Variants in TTC17 observed in about 807,000 individuals in gnomAD.
The protein encoded by TTC17 is tetratricopeptide repeat domain 17.
A neutral mutation model predicts 143.8 loss-of-function variants in TTC17; 58 were observed. That is an observed-to-expected ratio of 0.40 (90% CI 0.33 to 0.50). The LOEUF is 0.50. Among genes scored for constraint, TTC17 ranks in the 20% least tolerant of loss-of-function variants. The pLI, the probability that TTC17 is intolerant of heterozygous loss-of-function variation, is 0.49. For synonymous variants in TTC17, 501 were observed against 497.8 expected, an observed-to-expected ratio of 1.01 and a Z score of -0.09; for missense variants, 1,273 against 1,392.5, an observed-to-expected ratio of 0.91 and a Z score of 1.37.
chr11:43,359,133 T>C lies in TTC17; in HGVS notation c.159+20T>C. Reference sequence around the variant, plus strand: ...CAGCAGGTAGCGGCCGGGGCGTCCCTCTTCTCCCGTGCCCGCCCTCGCCCC... The same window carrying C: ...CAGCAGGTAGCGGCCGGGGCGTCCCCCTTCTCCCGTGCCCGCCCTCGCCCC... On this transcript the variant is annotated intron_variant, in intron 1 of 23. Coordinates refer to ENST00000039989, the MANE Select transcript of TTC17 (RefSeq NM_018259.6). 1 of 1,564,400 alleles carries C rather than the reference T, an allele frequency of 6.4e-7. No homozygotes were observed. The highest frequency in any genetic ancestry group is 8.6e-7 in the Non-Finnish European group (1 of 1,157,734).
chr11:43,472,465 A>T (rs902912587), intron 21 of TTC17, among the ~76,000 whole-genome samples: 1 of 152,256 alleles, frequency 6.6e-6, no homozygotes, highest in African/African-American at 2.4e-5. Context: ...CAGACATTTC[A>T]TAATGATAAA....
At chr11:43,404,822 A>AT (rs1188077967) in intron 11 of TTC17, among the ~76,000 whole-genome samples, 11 of 152,138 alleles carry the variant, frequency 7.2e-5, no homozygotes, top group African/African-American at 2.4e-4. Flanking sequence ...CATCTTATTT[A>AT]TTTTTAGAGA....
chr11:43,389,658 T>C lies in TTC17; in HGVS notation c.256T>C (p.Leu86=), dbSNP rs955272339. The C allele has an allele frequency of 3.1e-6, 5 of 1,606,608 alleles. No individual in the cohort carries two copies. Among genetic ancestry groups the C allele is most frequent in the Admixed American group, 3.4e-5 (2 of 58,280 alleles). The stretch of plus-strand genomic sequence containing the variant: ...CTTACTTTCTTCTCAACAGAAACAA[T>C]TAGTTGCTCAAAAAATTCACATAGA... ...VNYLKELEKQ[L]VAQKIHIEEN... The change falls in exon 3 of 24, where the codon TTA becomes CTA. Residue 86 remains leucine, a synonymous_variant. Transcript: ENST00000039989.
intron 1 of TTC17, among the ~76,000 whole-genome samples, chr11:43,369,843 C>A (rs1856494497): frequency 6.6e-6 from 1 of 152,126 alleles, no homozygotes; most frequent in African/African-American, 2.4e-5. Flanking sequence ...TCTCGAACTC[C>A]TGACCTCAGG....
chr11:43,401,401 T>C, intron 9 of TTC17, 45 bp from the exon 10 acceptor site: 1 of 1,362,482 alleles, frequency 7.3e-7, no homozygotes, highest in East Asian at 2.3e-5. Context: ...ACATTGGCAT[T>C]GTTGACCTTG....
At chr11:43,435,200 G>A (rs1004427661) in intron 16 of TTC17, 2 of 152,048 alleles carry the variant, frequency 1.3e-5, no homozygotes, top group African/African-American at 2.4e-5. Flanking sequence ...TCTGGTAAAG[G>A]AGAACAGCTA....
intron 2 of TTC17, among the ~76,000 whole-genome samples, chr11:43,382,084 T>G (rs987095339): frequency 2.0e-5 from 3 of 152,142 alleles, no homozygotes; most frequent in African/African-American, 7.2e-5. Context: ...ATAAAACAGT[T>G]TATCTACCAA....
chr11:43,444,453 G>A (rs1226245890), intron 18 of TTC17: 5 of 298,462 alleles, frequency 1.7e-5, no homozygotes, highest in African/African-American at 8.7e-5. Context: ...GAAAAATTAG[G>A]TGAATATTTA....
chr11:43,367,789 G>A (rs1000675832), intron 1 of TTC17, among the ~76,000 whole-genome samples: 2 of 151,804 alleles, frequency 1.3e-5, no homozygotes, highest in South Asian at 2.1e-4. Context: ...ATCTGTGCTC[G>A]TGGAGTCTCC....
rs1411197644 is a variant in TTC17 at position 43,391,504 on chromosome 11, A to G, written c.459A>G (p.Pro153=). 2 of 1,608,788 alleles carry G rather than the reference A, an allele frequency of 1.2e-6. No individual in the cohort carries two copies. Among genetic ancestry groups the G allele is most frequent in the Non-Finnish European group, 1.7e-6 (2 of 1,178,410 alleles). The change falls in exon 4 of 24, where the codon CCA becomes CCG. Residue 153 remains proline (P), a synonymous_variant. Transcript: ENST00000039989. ...TAGACACAGAATCTCCTGTCCCTCC[A>G]GACCCAGAGCAACCTGATTGTACTA... is the stretch of plus-strand genomic sequence containing the variant. ...DYIDTESPVP[P]DPEQPDCTKI...
chr11:43,441,590 C>G (rs770852028), intron 16 of TTC17, among the ~76,000 whole-genome samples: 8 of 151,952 alleles, frequency 5.3e-5, no homozygotes, highest in Admixed American at 2.0e-4. Flanking sequence ...TTATTTTTTG[C>G]TAACTCAGAG....
In TTC17 at chr11:43,421,619, G is replaced by A. The variant is rs374020705; in HGVS notation, c.2251+6843G>A. The stretch of plus-strand genomic sequence containing the variant: ...AACCTATTGTAAACTATGCATGCAC[G>A]GGATCTAGGTTACACGATCCTTATG... On this transcript the variant is annotated intron_variant, in intron 16 of 23. Coordinates refer to ENST00000039989, the MANE Select transcript of TTC17 (RefSeq NM_018259.6). 2.0e-4 allele frequency among the ~76,000 whole-genome samples: 30 copies of A among 152,190 alleles called. 1 individual carries two copies. The South Asian group carries it at 5.4e-3, about 27-fold the overall frequency.
chr11:43,362,138 A>C (rs1856133164), intron 1 of TTC17, among the ~76,000 whole-genome samples: 1 of 147,198 alleles, frequency 6.8e-6, no homozygotes, highest in Admixed American at 6.8e-5. Context: ...GCACTACCAC[A>C]CCCGGCTAAT....
chr11:43,371,834 G>A (rs544728631), intron 1 of TTC17, among the ~76,000 whole-genome samples: 277 of 152,326 alleles, frequency 1.8e-3, no homozygotes, highest in Non-Finnish European at 3.4e-3. Context: ...GCCAAGAAAA[G>A]GTGGGTGGGG....
intron 16 of TTC17, among the ~76,000 whole-genome samples, chr11:43,420,995 T>A (rs1368341572): frequency 6.6e-6 from 1 of 152,202 alleles, no homozygotes; most frequent in Non-Finnish European, 1.5e-5. Context: ...ATTCATTCAT[T>A]CAATGAACAC....
At chr11:43,448,288 T>A (rs1947589412) in intron 19 of TTC17, among the ~76,000 whole-genome samples, 166 bp downstream of exon 19, 1 of 152,170 alleles carries the variant, frequency 6.6e-6, no homozygotes. Flanking sequence ...CCCAACCCAT[T>A]GTAGCAAAGC....
At chr11:43,439,164 A>G (rs1241635659) in intron 16 of TTC17, among the ~76,000 whole-genome samples, 1 of 151,972 alleles carries the variant, frequency 6.6e-6, no homozygotes, top group African/African-American at 2.4e-5. Flanking sequence ...TAGTCTCTTC[A>G]TTGTCTTTGA....
chr11:43,397,426 G>T lies in TTC17; in HGVS notation c.853G>T (p.Val285Phe). The change falls in exon 7 of 24, where the codon GTC becomes TTC. Residue 285 changes from valine to phenylalanine, a missense_variant. Val to Phe is a conservative substitution (Grantham distance 50). Coordinates refer to ENST00000039989, the MANE Select transcript of TTC17 (RefSeq NM_018259.6). ...AHFSADAAVV[V>F]HAALDDSDFF... is the part of the protein sequence containing the mutation. The stretch of plus-strand genomic sequence containing the variant: ...CTTCTCTGCTGATGCTGCTGTCGTG[G>T]TCCATGCAGCTCTGGATGACAGTGA... 1 of 1,613,486 alleles carries T rather than the reference G, an allele frequency of 6.2e-7. No individual in the cohort carries two copies. The highest frequency in any genetic ancestry group is 1.3e-5 in the African/African-American group (1 of 74,986).
At chr11:43,422,156 A>C (rs925591741) in intron 16 of TTC17, among the ~76,000 whole-genome samples, 27 of 152,046 alleles carry the variant, frequency 1.8e-4, no homozygotes, top group African/African-American at 6.0e-4. Flanking sequence ...CCAAAAAGAC[A>C]CTCCTAGAAA....
Sources: allele counts gnomAD v4.1 joint callset (sites outside exome capture counted in the v4.1 genomes callset), GRCh38; gene constraint gnomAD v4.1.1; transcripts MANE v1.5; gene names NCBI Gene and HGNC (gene_info 2026-07-23, HGNC 2026-07-21).